The following NSD2 variants were observed in gnomAD, a reference collection of about 807,000 sequenced individuals.
NSD2 encodes the protein histone-lysine N-methyltransferase NSD2.
A neutral mutation model predicts 139.0 loss-of-function variants in NSD2; 12 were observed. The ratio of observed to expected loss-of-function variants is 0.09; its 90% CI spans 0.06 to 0.14. NSD2 has a LOEUF of 0.14. Ranked by LOEUF, NSD2 falls within the 10% of genes least tolerant of loss-of-function variation. The pLI is 1.00. For synonymous variants in NSD2, 669 were observed against 648.7 expected, an observed-to-expected ratio of 1.03 and a Z score of -0.48; for missense variants, 1,155 against 1,745.0, an observed-to-expected ratio of 0.66 and a Z score of 6.02.
chr4:1,910,743 T>G (rs1405145712), intron 3 of NSD2, among the ~76,000 whole-genome samples: 1 of 152,236 alleles, frequency 6.6e-6, no homozygotes, highest in East Asian at 1.9e-4. Context: ...TTCTATTACT[T>G]GCTGAGAGAT....
rs981003756 is a variant in NSD2, at chr4:1,981,105, T to A, written c.*2196T>A. On this transcript the variant is annotated 3_prime_UTR_variant, in exon 22 of 22. Coordinates refer to ENST00000508803, the MANE Select transcript of NSD2 (RefSeq NM_001042424.3). The stretch of plus-strand genomic sequence containing the variant: ...AACTTATTTTTGTGTTGGACAGTAG[T>A]GAAATCTTGTGATTTTTAATCGCTT... The A allele has an allele frequency of 4.3e-6, 1 of 233,194 alleles. No individual in the cohort carries two copies. The highest frequency in any genetic ancestry group is 8.5e-6 in the Non-Finnish European group (1 of 118,046). The allele number at this position is 233,194 out of a possible 1,614,324, so 14.4% of individuals were successfully genotyped here. A position where few individuals can be genotyped will look rare whatever the true frequency, so the allele number is the denominator to read the frequency against.
intron 9 of NSD2, 83 bp downstream of exon 9, chr4:1,939,861 G>T: frequency 1.2e-6 from 2 of 1,605,004 alleles, no homozygotes. Context: ...GTAATGCTCA[G>T]ACTTCATAAG....
At chr4:1,872,591 TGAGAGAGAGAGAGAGAGAGAGA>T (rs1200688066) in intron 1 of NSD2, among the ~76,000 whole-genome samples, 2 of 44,838 alleles carry the variant, frequency 4.5e-5, no homozygotes, top group African/African-American at 7.0e-5. Flanking sequence ...TGTGTGTGTG[TGAGAGAGAGAGAGAGAGAGAGA>T]GAGAGAGAGA....
At chr4:1,918,061 A>G in intron 4 of NSD2, 80 bp from the exon 5 acceptor site, 3 of 1,509,652 alleles carry the variant, frequency 2.0e-6, no homozygotes, top group East Asian at 4.6e-5. Context: ...AATTATAGGC[A>G]TGAATCATGT....
chr4:1,901,798 C>G lies in NSD2; in HGVS notation c.597+547C>G, dbSNP rs148524282. Reference sequence around the variant, plus strand: ...GTGGTCCAGCAGATGGCCTGCCTCCCTGAGGCCTAGGGATGTGTCTTTTGC... The same window carrying G: ...GTGGTCCAGCAGATGGCCTGCCTCCGTGAGGCCTAGGGATGTGTCTTTTGC... On this transcript the variant is annotated intron_variant, in intron 2 of 21. Transcript: ENST00000508803. Among the ~76,000 whole-genome samples, 820 of 152,346 alleles carry G rather than the reference C, an allele frequency of 5.4e-3. 5 individuals carry two copies. Among genetic ancestry groups the G allele is most frequent in the African/African-American group, 0.019 (789 of 41,582 alleles).
At chr4:1,893,536 G>GT (rs1233706276) in intron 1 of NSD2, among the ~76,000 whole-genome samples, 43 of 146,324 alleles carry the variant, frequency 2.9e-4, no homozygotes, top group African/African-American at 8.3e-4. Context: ...CTCTTTTTTT[G>GT]TTTTTTGTTT....
chr4:1,885,519 G>A (rs1311334630), intron 1 of NSD2, among the ~76,000 whole-genome samples: 1 of 152,166 alleles, frequency 6.6e-6, no homozygotes, highest in Non-Finnish European at 1.5e-5. Flanking sequence ...CTGTCTCAGT[G>A]GCCCCTGTTG....
chr4:1,939,204 A>G (rs970011006), intron 8 of NSD2: 13 of 159,282 alleles, frequency 8.2e-5, no homozygotes, highest in Admixed American at 4.1e-4. Context: ...CAGACTTTAA[A>G]AAAAAAAAAA....
intron 19 of NSD2, 66 bp downstream of exon 19, chr4:1,975,070 C>T (rs1726928024): frequency 1.7e-5 from 28 of 1,605,246 alleles, no homozygotes; most frequent in Non-Finnish European, 2.2e-5. Flanking sequence ...TCGCTGAGGG[C>T]TGCGTGGGGC....
At chr4:1,924,283 T>C (rs1014090376) in intron 5 of NSD2, among the ~76,000 whole-genome samples, 1 of 152,190 alleles carries the variant, frequency 6.6e-6, no homozygotes, top group African/African-American at 2.4e-5. Context: ...GACACTCCAG[T>C]GTTTGACAGC....
Position 1,978,993 on chromosome 4 carries a change from C to G in NSD2, c.*84C>G, listed in dbSNP as rs1007806274. 1.4e-6 allele frequency: 2 copies of G among 1,423,160 alleles called. No individual in the cohort carries two copies. Among genetic ancestry groups the G allele is most frequent in the Non-Finnish European group, 1.8e-6 (2 of 1,087,126 alleles). 88.2% of individuals were successfully genotyped at this position (1,423,160 alleles called of 1,614,324 possible). ...GGGAGAGGGCGAGCATGAACTGGCC[C>G]GGAGGACCCAGCTCGAGCCGCCAGG... On this transcript the variant is annotated 3_prime_UTR_variant, in exon 22 of 22. Coordinates refer to ENST00000508803, the MANE Select transcript of NSD2 (RefSeq NM_001042424.3).
chr4:1,970,049 A>G (rs1726288013), intron 18 of NSD2, among the ~76,000 whole-genome samples: 1 of 152,132 alleles, frequency 6.6e-6, no homozygotes, highest in Non-Finnish European at 1.5e-5. Context: ...GAAAGAAGGA[A>G]TGTAGGAAAG....
chr4:1,882,935 T>A (rs1714811915), intron 1 of NSD2, among the ~76,000 whole-genome samples: 2 of 152,202 alleles, frequency 1.3e-5, no homozygotes, highest in South Asian at 4.2e-4. Flanking sequence ...CTGTCTGAAT[T>A]TCCTGACTGA....
chr4:1,903,215 A>C (rs557672481), intron 2 of NSD2, among the ~76,000 whole-genome samples: 4 of 152,230 alleles, frequency 2.6e-5, no homozygotes, highest in African/African-American at 9.6e-5. Context: ...GGAACAATTT[A>C]CTCATGTGTA....
intron 2 of NSD2, among the ~76,000 whole-genome samples, chr4:1,902,182 T>C (rs1717275117): frequency 6.6e-6 from 1 of 152,156 alleles, no homozygotes; most frequent in Admixed American, 6.5e-5. Context: ...TCAGGAGCTG[T>C]TTAGTTCTCG....
chr4:1,901,376 C>A, intron 2 of NSD2, 125 bp downstream of exon 2: 1 of 852,520 alleles, frequency 1.2e-6, no homozygotes, highest in Non-Finnish European at 1.8e-6. Flanking sequence ...GTACTTCCAG[C>A]CACTTGCCTG....
Position 1,942,660 on chromosome 4 carries a change from AAGGC to A in NSD2, c.1881+2885_1881+2888del. On this transcript the variant is annotated intron_variant, in intron 9 of 21. Transcript: ENST00000508803. This position sits in a 1 kb window ranked among gnomAD's most constrained non-coding sequence, Gnocchi z 4.0. ...GTGGTCAATGTAGATTTCAAGTTGA[AAGGC>A]AGTCCCTTTAGTTGGGGGCTGTCCA... 1 of 1,168,306 alleles carries A rather than the reference AAGGC, an allele frequency of 8.6e-7. No individual in the cohort carries two copies. Among genetic ancestry groups the A allele is most frequent in the Non-Finnish European group, 1.1e-6 (1 of 942,860 alleles). 72.4% of individuals were successfully genotyped at this position (1,168,306 alleles called of 1,614,324 possible). A position where few individuals can be genotyped will look rare whatever the true frequency, so the allele number is the denominator to read the frequency against.
intron 6 of NSD2, among the ~76,000 whole-genome samples, chr4:1,932,130 C>T (rs928347210): frequency 2.6e-5 from 4 of 151,552 alleles, no homozygotes; most frequent in Non-Finnish European, 4.4e-5. Flanking sequence ...CGCCCATGAC[C>T]TCAGTGTTAG....
In NSD2 at chr4:1,942,020, CT is replaced by C. The variant is rs780344695; in HGVS notation, c.1881+2245del. The C allele has an allele frequency of 6.1e-6, 7 of 1,153,918 alleles. No individual in the cohort carries two copies. The highest frequency in any genetic ancestry group is 7.5e-6 in the Non-Finnish European group (7 of 932,146). 71.5% of individuals were successfully genotyped at this position (1,153,918 alleles called of 1,614,324 possible). A position where few individuals can be genotyped will look rare whatever the true frequency, so the allele number is the denominator to read the frequency against. ...ACACACACCCATTGGGTCACACCCCCTTTGCATGTTTGTATTTCCTCCCTTT... is the reference window on the plus strand; with the variant it reads ...ACACACACCCATTGGGTCACACCCCCTTGCATGTTTGTATTTCCTCCCTTT... On this transcript the variant is annotated intron_variant, in intron 9 of 21. Coordinates refer to ENST00000508803, the MANE Select transcript of NSD2 (RefSeq NM_001042424.3). This position sits in a 1 kb window ranked among gnomAD's most constrained non-coding sequence, Gnocchi z 4.0.
Sources: allele counts gnomAD v4.1 joint callset (sites outside exome capture counted in the v4.1 genomes callset), GRCh38; gene constraint gnomAD v4.1.1; non-coding constraint Gnocchi (gnomAD v3.1); transcripts MANE v1.5; gene names NCBI Gene and HGNC (gene_info 2026-07-23, HGNC 2026-07-21).